The following DGKI variants were observed in gnomAD, a reference collection of about 807,000 sequenced individuals.
The protein encoded by DGKI is DAG kinase iota.
A neutral mutation model predicts 147.5 loss-of-function variants in DGKI; 55 were observed. That is an observed-to-expected ratio of 0.37 (90% CI 0.30 to 0.47). The LOEUF is 0.47. Ranked by LOEUF, DGKI falls within the 20% of genes least tolerant of loss-of-function variation. DGKI has a pLI of 1.00. For synonymous variants in DGKI, 469 were observed against 477.1 expected (o/e 0.98, Z 0.22); for missense variants, 1,007 against 1,323.8 (o/e 0.76, Z 3.71).
At chr7:137,806,655 G>C (rs1028090669) in intron 1 of DGKI, among the ~76,000 whole-genome samples, 6 of 151,986 alleles carry the variant, frequency 3.9e-5, no homozygotes, top group East Asian at 1.9e-4. Context: ...GGATGGTCTC[G>C]ATCTCCTGAC....
At chr7:137,841,741 C>A (rs1000278045) in intron 1 of DGKI, among the ~76,000 whole-genome samples, 2 of 151,978 alleles carry the variant, frequency 1.3e-5, no homozygotes, top group African/African-American at 4.8e-5. Flanking sequence ...GTGTAGACAG[C>A]CTGGGCTCTC....
intron 30 of DGKI, among the ~76,000 whole-genome samples, chr7:137,407,408 G>A (rs1463798855): frequency 2.0e-5 from 3 of 152,028 alleles, no homozygotes; most frequent in East Asian, 3.9e-4. Context: ...CGTAACTTGG[G>A]TGGAAAAGAT....
intron 21 of DGKI, among the ~76,000 whole-genome samples, chr7:137,508,703 T>G (rs2128946569): frequency 6.6e-6 from 1 of 152,246 alleles, no homozygotes; most frequent in Admixed American, 6.5e-5. Context: ...AGAAGTCATT[T>G]TTTGAAATGT....
intron 3 of DGKI, among the ~76,000 whole-genome samples, chr7:137,671,017 A>T (rs1291413658): frequency 1.3e-5 from 2 of 152,198 alleles, no homozygotes; most frequent in Non-Finnish European, 2.9e-5. Context: ...CCACACACAC[A>T]GATGCATGGG....
intron 21 of DGKI, among the ~76,000 whole-genome samples, chr7:137,502,056 C>T (rs1816194035): frequency 6.6e-6 from 1 of 152,180 alleles, no homozygotes; most frequent in South Asian, 2.1e-4. Flanking sequence ...CTCCCCCTTG[C>T]CTTCCCCCAT....
intron 3 of DGKI, among the ~76,000 whole-genome samples, chr7:137,672,834 G>A (rs1822898750): frequency 7.2e-6 from 1 of 139,506 alleles, no homozygotes; most frequent in Non-Finnish European, 1.5e-5. Context: ...AGGCTGGAGT[G>A]CAATGGCACG....
intron 14 of DGKI, among the ~76,000 whole-genome samples, chr7:137,584,372 T>C (rs901548296): frequency 3.9e-5 from 6 of 152,238 alleles, no homozygotes; most frequent in African/African-American, 1.4e-4. Flanking sequence ...CAAATTTATC[T>C]GAAATTGAGG....
chr7:137,413,666 T>G (rs1812250388), intron 28 of DGKI, among the ~76,000 whole-genome samples: 1 of 152,244 alleles, frequency 6.6e-6, no homozygotes, highest in African/African-American at 2.4e-5. Context: ...TACCACATTT[T>G]CTTTATCTGC....
intron 6 of DGKI, among the ~76,000 whole-genome samples, chr7:137,641,020 C>CA (rs1300098325): frequency 6.6e-6 from 1 of 152,182 alleles, no homozygotes; most frequent in Admixed American, 6.5e-5. Context: ...TCCTACATGT[C>CA]ATGGGAGGAA....
chr7:137,405,770 G>GA (rs1193874432), intron 30 of DGKI, among the ~76,000 whole-genome samples: 1 of 151,952 alleles, frequency 6.6e-6, no homozygotes, highest in Non-Finnish European at 1.5e-5. Context: ...AGGATCTTGG[G>GA]AAAAAAAGAC....
intron 20 of DGKI, among the ~76,000 whole-genome samples, chr7:137,534,191 G>A (rs548276608): frequency 6.6e-6 from 1 of 151,990 alleles, no homozygotes; most frequent in Non-Finnish European, 1.5e-5. Flanking sequence ...GAACATCTAG[G>A]TTTCTTTGTT....
intron 28 of DGKI, among the ~76,000 whole-genome samples, chr7:137,440,021 G>A (rs193030309): frequency 3.0e-4 from 46 of 152,312 alleles, no homozygotes; most frequent in Non-Finnish European, 4.9e-4. Context: ...AGCGGTAAGC[G>A]CAGCATTCCA....
chr7:137,537,820 T>A (rs1302984598), intron 20 of DGKI, among the ~76,000 whole-genome samples: 1 of 152,178 alleles, frequency 6.6e-6, no homozygotes, highest in Non-Finnish European at 1.5e-5. Context: ...GAGGTAAGCC[T>A]TATAGTTTAC....
chr7:137,588,607 G>T (rs955075698), intron 12 of DGKI, among the ~76,000 whole-genome samples: 1 of 151,448 alleles, frequency 6.6e-6, no homozygotes. Flanking sequence ...CTCCCAAGTA[G>T]CCGGGACTAC....
At chr7:137,657,650 G>T (rs1822275074) in intron 3 of DGKI, among the ~76,000 whole-genome samples, 4 of 152,180 alleles carry the variant, frequency 2.6e-5, no homozygotes, top group African/African-American at 9.7e-5. Context: ...GGCTATCAAA[G>T]CATCCAAGTG....
Position 137,420,091 on chromosome 7 carries a change from G to A in DGKI, c.2762-7884C>T, listed in dbSNP as rs535006251. ...TCAAATATGATCAGACACATGGCTA[G>A]TAACTGGGTACTGGTATCGGCTAGG... is the stretch of plus-strand genomic sequence containing the variant. On this transcript the variant is annotated intron_variant, in intron 28 of 32. Transcript: ENST00000614521. Among the ~76,000 whole-genome samples the A allele has an allele frequency of 2.5e-4, 38 of 152,352 alleles. No individual in the cohort carries two copies. The South Asian group carries it at 7.1e-3, about 28-fold the overall frequency.
intron 23 of DGKI, among the ~76,000 whole-genome samples, chr7:137,476,815 C>G (rs1196017438): frequency 6.6e-6 from 1 of 152,106 alleles, no homozygotes; most frequent in Non-Finnish European, 1.5e-5. Flanking sequence ...CCCAGAAGCC[C>G]CAAGCTATTC....
At chr7:137,493,899 A>G in intron 21 of DGKI, 1 of 631,838 alleles carries the variant, frequency 1.6e-6, no homozygotes, top group East Asian at 2.8e-5. Context: ...ATTCAGGAGA[A>G]AGTTAACACC....
intron 21 of DGKI, among the ~76,000 whole-genome samples, chr7:137,497,842 T>C (rs1006540813): frequency 6.6e-6 from 1 of 152,038 alleles, no homozygotes; most frequent in Non-Finnish European, 1.5e-5. Flanking sequence ...AATCAAAAAA[T>C]TGCCTATCTG....
Sources: gnomAD v4.1 joint callset for allele counts (sites outside exome capture counted in the v4.1 genomes callset) on GRCh38, gnomAD v4.1.1 for gene constraint, MANE v1.5 for transcripts, NCBI Gene and HGNC (gene_info 2026-07-23, HGNC 2026-07-21) for gene names.